Variants in NSD3 observed in about 807,000 individuals in gnomAD.
NSD3 encodes histone-lysine N-methyltransferase NSD3.
A neutral mutation model predicts 160.8 loss-of-function variants in NSD3; 24 were observed. The observed-to-expected ratio is 0.15, with a 90% CI of 0.11 to 0.21. NSD3 has a LOEUF of 0.21. Ranked by LOEUF, NSD3 falls within the 10% of genes least tolerant of loss-of-function variation. NSD3 has a pLI of 1.00. For synonymous variants in NSD3, 520 were observed against 600.0 expected (o/e 0.87, Z 1.95); for missense variants, 1,157 against 1,735.9 (o/e 0.67, Z 5.93).
At chr8:38,368,075 G>A (rs1228896732) in intron 1 of NSD3, among the ~76,000 whole-genome samples, 2 of 152,098 alleles carry the variant, frequency 1.3e-5, no homozygotes, top group Admixed American at 6.5e-5. Context: ...TGCCTCCAGG[G>A]TTCAAGTGAT....
intron 2 of NSD3, among the ~76,000 whole-genome samples, chr8:38,345,445 A>G (rs2150382574): frequency 6.6e-6 from 1 of 152,210 alleles, no homozygotes; most frequent in South Asian, 2.1e-4. Context: ...ACTTTCAGGC[A>G]ATGCTCCTAG....
intron 7 of NSD3, among the ~76,000 whole-genome samples, chr8:38,322,516 G>A (rs115876444): frequency 2.2e-4 from 34 of 152,018 alleles, no homozygotes; most frequent in Non-Finnish European, 3.4e-4. Flanking sequence ...GCTTAAAAAC[G>A]AACAAAAAAA....
intron 1 of NSD3, among the ~76,000 whole-genome samples, chr8:38,373,475 A>G (rs1240722485): frequency 1.3e-5 from 2 of 152,100 alleles, no homozygotes; most frequent in Non-Finnish European, 2.9e-5. Context: ...CATAACGTAA[A>G]AGGCTTTAAA....
At chr8:38,370,429 C>T (rs1811216508) in intron 1 of NSD3, among the ~76,000 whole-genome samples, 1 of 148,522 alleles carries the variant, frequency 6.7e-6, no homozygotes. Context: ...CGCCCAGGCT[C>T]AGGAGAATAA....
At chr8:38,295,698 C>G in intron 16 of NSD3, 98 bp downstream of exon 16, 10 of 1,136,320 alleles carry the variant, frequency 8.8e-6, no homozygotes, top group Non-Finnish European at 1.2e-5. Flanking sequence ...TAGGTCCATG[C>G]TGTCTACCTA....
chr8:38,347,758 C>G lies in NSD3; in HGVS notation c.414G>C (p.Ser138=), dbSNP rs190207024. 3.1e-6 allele frequency: 5 copies of G among 1,612,774 alleles called. No individual in the cohort carries two copies. The Admixed American group carries it at 6.7e-5, about 22-fold the overall frequency. ...PSPPQPPPPP[S]VPQTVIPKKT... ...TCTTTGGAATCACAGTTTGTGGTAC[C>G]GAAGGAGGAGGTGGTGGCTGTGGAG... Residue 138 remains serine (S), a synonymous_variant, in exon 2 of 24, where the codon TCG becomes TCC. Coordinates refer to ENST00000317025, the MANE Select transcript of NSD3 (RefSeq NM_023034.2).
intron 7 of NSD3, among the ~76,000 whole-genome samples, chr8:38,326,316 G>C (rs989223681): frequency 6.6e-6 from 1 of 152,158 alleles, no homozygotes; most frequent in Admixed American, 6.5e-5. Context: ...CTAGTATCTA[G>C]CACAACTAGG....
At chr8:38,279,235 T>C (rs1040507234) in intron 21 of NSD3, among the ~76,000 whole-genome samples, 1 of 152,260 alleles carries the variant, frequency 6.6e-6, no homozygotes, top group Non-Finnish European at 1.5e-5. Context: ...TTACACTCTA[T>C]GGACAGCAGC....
rs1266514638 is a variant in NSD3 at position 38,275,291 on chromosome 8, A to T, written c.*350T>A. On this transcript the variant is annotated 3_prime_UTR_variant, in exon 24 of 24. Coordinates refer to ENST00000317025, the MANE Select transcript of NSD3 (RefSeq NM_023034.2). ...TACTTTTGCTTTATACAACCAAGGA[A>T]CACATCTTAGACTTTAAATTTATCT... 1 of 279,170 alleles carries T rather than the reference A, an allele frequency of 3.6e-6. No individual in the cohort carries two copies. The highest frequency in any genetic ancestry group is 6.8e-6 in the Non-Finnish European group (1 of 147,098). The allele number at this position is 279,170 out of a possible 1,614,324, so 17.3% of individuals were successfully genotyped here.
intron 2 of NSD3, among the ~76,000 whole-genome samples, chr8:38,340,112 T>A (rs1417669856): frequency 6.6e-6 from 1 of 152,018 alleles, no homozygotes; most frequent in Non-Finnish European, 1.5e-5. Context: ...AAAAACCAAA[T>A]TACTTCTACA....
At chr8:38,372,846 G>A (rs1183053342) in intron 1 of NSD3, among the ~76,000 whole-genome samples, 4 of 147,880 alleles carry the variant, frequency 2.7e-5, no homozygotes, top group Non-Finnish European at 4.5e-5. Context: ...AGCCGGGCGC[G>A]GCGGTTCACG....
At chr8:38,353,018 T>C (rs1401581648) in intron 1 of NSD3, among the ~76,000 whole-genome samples, 1 of 152,196 alleles carries the variant, frequency 6.6e-6, no homozygotes, top group Non-Finnish European at 1.5e-5. Context: ...GTGCTTGACA[T>C]AAGTACTACG....
chr8:38,341,369 C>G (rs1465315127), intron 2 of NSD3, among the ~76,000 whole-genome samples: 1 of 151,948 alleles, frequency 6.6e-6, no homozygotes, highest in East Asian at 1.9e-4. Context: ...GAAACCCTGT[C>G]TCTACTAAAA....
At chr8:38,370,293 GT>G (rs1207679383) in intron 1 of NSD3, among the ~76,000 whole-genome samples, 1 of 150,950 alleles carries the variant, frequency 6.6e-6, no homozygotes, top group Non-Finnish European at 1.5e-5. Flanking sequence ...AAAATAAAGT[GT>G]TTCTAAATCA....
chr8:38,307,352 G>T (rs1302032496), intron 12 of NSD3, among the ~76,000 whole-genome samples: 1 of 151,940 alleles, frequency 6.6e-6, no homozygotes, highest in East Asian at 1.9e-4. Flanking sequence ...ATTGATAAGG[G>T]TGTAGGGGGC....
intron 1 of NSD3, among the ~76,000 whole-genome samples, chr8:38,352,297 A>C (rs975874025): frequency 1.3e-5 from 2 of 152,186 alleles, no homozygotes; most frequent in Non-Finnish European, 2.9e-5. Context: ...TGGAAGTCCT[A>C]AAATTACAAA....
At chr8:38,284,104 GA>G (rs892270640) in intron 19 of NSD3, among the ~76,000 whole-genome samples, 14 of 148,786 alleles carry the variant, frequency 9.4e-5, no homozygotes, top group Admixed American at 2.0e-4. Flanking sequence ...CTGTTTCAAG[GA>G]AAAAAAAACA....
chr8:38,278,534 A>C, intron 21 of NSD3, 122 bp from the exon 22 acceptor site: 1 of 755,454 alleles, frequency 1.3e-6, no homozygotes, highest in Non-Finnish European at 2.1e-6. Context: ...TTCCCTTGCC[A>C]GTGTTCTACC....
At chr8:38,344,294 C>CA (rs1186286624) in intron 2 of NSD3, among the ~76,000 whole-genome samples, 2 of 152,136 alleles carry the variant, frequency 1.3e-5, no homozygotes, top group Non-Finnish European at 2.9e-5. Context: ...GTTTTTCAGA[C>CA]AGAGTCTCAT....
Sources: gnomAD v4.1 joint callset for allele counts (sites outside exome capture counted in the v4.1 genomes callset) on GRCh38, gnomAD v4.1.1 for gene constraint, MANE v1.5 for transcripts, NCBI Gene and HGNC (gene_info 2026-07-23, HGNC 2026-07-21) for gene names.